Variants in RAB28 observed in about 807,000 individuals in gnomAD.
The protein encoded by RAB28 is ras-related protein Rab-28.
A neutral mutation model predicts 31.7 loss-of-function variants in RAB28; 24 were observed. The ratio of observed to expected loss-of-function variants is 0.76; its 90% CI spans 0.55 to 1.06. The LOEUF (loss-of-function observed/expected upper bound fraction) is 1.06. Among genes scored for constraint, RAB28 ranks in the 50% least tolerant of loss-of-function variants. The pLI is 0.00. For missense variants in RAB28, 254 were observed against 258.5 expected (o/e 0.98, Z 0.12); for synonymous variants, 100 against 90.4 (o/e 1.11, Z -0.60).
At chr4:13,427,470 A>C (rs1170093579) in intron 4 of RAB28, among the ~76,000 whole-genome samples, 3 of 152,222 alleles carry the variant, frequency 2.0e-5, no homozygotes, top group Admixed American at 2.0e-4. Context: ...GACCTACTAA[A>C]GAGGAGAAAA....
chr4:13,444,079 G>A (rs544241482), intron 4 of RAB28, among the ~76,000 whole-genome samples: 9 of 150,786 alleles, frequency 6.0e-5, no homozygotes, highest in Middle Eastern at 3.4e-3. Context: ...CCAGGCTGGA[G>A]TGCAGTGGCG....
In RAB28 at chr4:13,381,944, T is replaced by C. The variant is rs150783047; in HGVS notation, c.392-350A>G. On this transcript the variant is annotated intron_variant, in intron 4 of 6. Transcript: ENST00000330852. Reference sequence around the variant, plus strand: ...ACAAAGATCTACTTAATATAGTACATTTAAACATGGTGATTAATTGAAGGC... The same window carrying C: ...ACAAAGATCTACTTAATATAGTACACTTAAACATGGTGATTAATTGAAGGC... 1.2e-3 allele frequency among the ~76,000 whole-genome samples: 188 copies of C among 152,318 alleles called. 1 individual carries two copies. The highest frequency in any genetic ancestry group is 4.3e-3 in the African/African-American group (179 of 41,584).
intron 4 of RAB28, among the ~76,000 whole-genome samples, chr4:13,403,635 G>C (rs1358843572): frequency 1.3e-5 from 2 of 152,216 alleles, no homozygotes; most frequent in Admixed American, 1.3e-4. Context: ...TATTATGTAT[G>C]CTATAAAATC....
At chr4:13,376,109 T>C (rs1474654623) in intron 6 of RAB28, among the ~76,000 whole-genome samples, 2 of 152,026 alleles carry the variant, frequency 1.3e-5, no homozygotes, top group Admixed American at 1.3e-4. Context: ...TATCTAGGAA[T>C]AGTGAAAAAA....
chr4:13,410,315 C>T (rs1457708342), intron 4 of RAB28, among the ~76,000 whole-genome samples: 1 of 152,074 alleles, frequency 6.6e-6, no homozygotes, highest in Non-Finnish European at 1.5e-5. Flanking sequence ...GTAAAATCCC[C>T]TAAATCAGTC....
intron 4 of RAB28, among the ~76,000 whole-genome samples, chr4:13,437,349 C>G (rs1017097531): frequency 6.6e-6 from 1 of 152,022 alleles, no homozygotes; most frequent in Non-Finnish European, 1.5e-5. Context: ...GCAACAAAAA[C>G]AAAAACTGAC....
At chr4:13,443,873 T>G (rs553315676) in intron 4 of RAB28, among the ~76,000 whole-genome samples, 20 of 152,258 alleles carry the variant, frequency 1.3e-4, no homozygotes, top group African/African-American at 3.6e-4. Flanking sequence ...CAACAACTAT[T>G]CTATTCTTTG....
intron 4 of RAB28, among the ~76,000 whole-genome samples, chr4:13,442,437 G>C (rs1577218636): frequency 6.8e-6 from 1 of 146,768 alleles, no homozygotes; most frequent in African/African-American, 2.5e-5. Flanking sequence ...ATTCAGATTA[G>C]ATATCAAATT....
intron 4 of RAB28, among the ~76,000 whole-genome samples, chr4:13,456,009 CA>C (rs1284572133): frequency 4.6e-5 from 7 of 152,172 alleles, no homozygotes; most frequent in Non-Finnish European, 8.8e-5. Context: ...CACAGCAAAA[CA>C]AAGAAATTTT....
At chr4:13,454,451 A>T (rs906564920) in intron 4 of RAB28, among the ~76,000 whole-genome samples, 1 of 152,280 alleles carries the variant, frequency 6.6e-6, no homozygotes, top group Admixed American at 6.5e-5. Flanking sequence ...CTGGTAGAAG[A>T]GTCACCTCTT....
At chr4:13,483,016 G>A (rs903221535) in intron 1 of RAB28, among the ~76,000 whole-genome samples, 4 of 152,200 alleles carry the variant, frequency 2.6e-5, no homozygotes, top group African/African-American at 9.7e-5. Context: ...GACTATGGTT[G>A]GGATAAGGAA....
intron 4 of RAB28, among the ~76,000 whole-genome samples, chr4:13,411,846 A>T (rs1712457745): frequency 6.6e-6 from 1 of 152,006 alleles, no homozygotes; most frequent in Non-Finnish European, 1.5e-5. Flanking sequence ...ACTGAAAAAT[A>T]AGATCAAATA....
rs371453031 is a variant in RAB28 at position 13,397,279 on chromosome 4, A to G, written c.392-15685T>C. ...TTAAATGGCAAAACAACATTATTTG[A>G]TGACACATACACATATTATGAAAAT... On this transcript the variant is annotated intron_variant, in intron 4 of 6. Transcript: ENST00000330852. Among the ~76,000 whole-genome samples the G allele has an allele frequency of 2.0e-5, 3 of 152,156 alleles. No homozygotes were observed. The East Asian group carries it at 5.8e-4, about 29-fold the overall frequency.
At chr4:13,379,736 G>T (rs1470938893) in intron 5 of RAB28, among the ~76,000 whole-genome samples, 1 of 152,078 alleles carries the variant, frequency 6.6e-6, no homozygotes, top group Non-Finnish European at 1.5e-5. Context: ...ATGCAAGAGT[G>T]ACTAAGGTGG....
intron 4 of RAB28, among the ~76,000 whole-genome samples, chr4:13,450,657 T>C (rs189438851): frequency 1.3e-5 from 2 of 151,868 alleles, no homozygotes; most frequent in Non-Finnish European, 3.0e-5. Context: ...ATATATCAGA[T>C]GACAATAAGA....
At chr4:13,428,944 C>CT (rs35547595) in intron 4 of RAB28, among the ~76,000 whole-genome samples, 28,684 of 133,470 alleles carry the variant, frequency 0.21, 3,742 homozygotes, top group Non-Finnish European at 0.29. Flanking sequence ...TCTAATTTCA[C>CT]TTTTTTTTTT....
intron 4 of RAB28, among the ~76,000 whole-genome samples, chr4:13,447,879 T>C (rs999860471): frequency 2.0e-5 from 3 of 152,168 alleles, no homozygotes; most frequent in African/African-American, 7.2e-5. Context: ...CAAATGAAGT[T>C]AAAATTAAAT....
intron 3 of RAB28, 135 bp downstream of exon 3, chr4:13,474,183 A>G (rs1716244608): frequency 1.3e-6 from 1 of 775,632 alleles, no homozygotes. Flanking sequence ...TAGCACAAAT[A>G]TAAAATTATT....
chr4:13,388,564 T>C (rs1729487927), intron 4 of RAB28, among the ~76,000 whole-genome samples: 1 of 151,988 alleles, frequency 6.6e-6, no homozygotes, highest in Admixed American at 6.6e-5. Flanking sequence ...AAGCACATAA[T>C]CAACACAGTG....
Sources: gnomAD v4.1 joint callset for allele counts (sites outside exome capture counted in the v4.1 genomes callset) on GRCh38, gnomAD v4.1.1 for gene constraint, MANE v1.5 for transcripts, NCBI Gene and HGNC (gene_info 2026-07-23, HGNC 2026-07-21) for gene names.